The following TRPM3 variants were observed in gnomAD, a reference collection of about 807,000 sequenced individuals.
The protein encoded by TRPM3 is long transient receptor potential channel 3.
Under a neutral mutation model 181.2 loss-of-function variants are expected in TRPM3, and 77 were observed. That is an observed-to-expected ratio of 0.42 (90% CI 0.35 to 0.51). TRPM3 has a LOEUF of 0.51. Ranked by LOEUF, TRPM3 falls within the 20% of genes least tolerant of loss-of-function variation. The probability of loss-of-function intolerance (pLI) is 0.01; values close to 1 mark genes in which losing one functional copy is unlikely to be tolerated. For synonymous variants in TRPM3, 745 were observed against 796.4 expected (o/e 0.94, Z 1.09); for missense variants, 1,759 against 2,196.7 (o/e 0.80, Z 3.98).
At chr9:70,694,541 C>G (rs1253855504) in intron 8 of TRPM3, among the ~76,000 whole-genome samples, 1 of 152,126 alleles carries the variant, frequency 6.6e-6, no homozygotes. Flanking sequence ...AGCACAGTGG[C>G]GCGATCTCGG....
At chr9:71,398,972 T>C (rs933754700) in intron 1 of TRPM3, among the ~76,000 whole-genome samples, 2 of 152,188 alleles carry the variant, frequency 1.3e-5, no homozygotes, top group African/African-American at 4.8e-5. Flanking sequence ...AAATTGATAC[T>C]ATTAATCAGT....
chr9:70,539,467 C>T (rs1160978907), intron 25 of TRPM3, among the ~76,000 whole-genome samples: 1 of 148,398 alleles, frequency 6.7e-6, no homozygotes, highest in East Asian at 2.0e-4. Flanking sequence ...AAGAGCCCTG[C>T]TTGTAATTTT....
rs142903671 is a variant in TRPM3, at chr9:71,072,449, C to G, written c.177+48729G>C. 2.0e-3 allele frequency among the ~76,000 whole-genome samples: 302 copies of G among 152,228 alleles called. 2 individuals carry two copies. The highest frequency in any genetic ancestry group is 7.0e-3 in the African/African-American group (289 of 41,544). On this transcript the variant is annotated intron_variant, in intron 1 of 25. Transcript: ENST00000677713. ...TGTGCCAGATCTCCCATTTAAATCA[C>G]CTAGTAAATACAATATTAACTCACT...
Position 70,531,501 on chromosome 9 carries a change from G to T in TRPM3, c.*4452C>A, listed in dbSNP as rs966386498. ...ATGCATTTTGTTGACACAAAATTAAGACCAGGTTTGGAGAGAGATTACTTC... is the reference window on the plus strand; with the variant it reads ...ATGCATTTTGTTGACACAAAATTAATACCAGGTTTGGAGAGAGATTACTTC... On this transcript the variant is annotated 3_prime_UTR_variant, in exon 26 of 26. Coordinates refer to ENST00000677713, the MANE Select transcript of TRPM3 (RefSeq NM_001366145.2). 3 of 152,140 alleles carry T rather than the reference G, an allele frequency of 2.0e-5. No homozygotes were observed. Among genetic ancestry groups the T allele is most frequent in the Non-Finnish European group, 2.9e-5 (2 of 68,034 alleles). 9.4% of individuals were successfully genotyped at this position (152,140 alleles called of 1,614,324 possible).
intron 1 of TRPM3, among the ~76,000 whole-genome samples, chr9:71,271,583 G>A (rs900631818): frequency 6.6e-6 from 1 of 151,868 alleles, no homozygotes; most frequent in Admixed American, 6.6e-5. Context: ...CAGCAGAAGA[G>A]GGGAGTAAGG....
At chr9:70,883,079 G>A (rs941078897) in intron 1 of TRPM3, among the ~76,000 whole-genome samples, 1 of 152,108 alleles carries the variant, frequency 6.6e-6, no homozygotes, top group South Asian at 2.1e-4. Flanking sequence ...CAAAATCCAA[G>A]AGCTATAGGG....
rs34322547 is a variant in TRPM3, at chr9:70,811,660, C to T, written c.973+16187G>A. Among the ~76,000 whole-genome samples, 49 of 151,942 alleles carry T rather than the reference C, an allele frequency of 3.2e-4. No homozygotes were observed. The East Asian group carries it at 5.6e-3, about 17-fold the overall frequency. ...TTCCAATTCTGTGTTTTCCAGGAGA[C>T]GATAGGAATTGAATTCTTTCCTTCC... On this transcript the variant is annotated intron_variant, in intron 6 of 25. Coordinates refer to ENST00000677713, the MANE Select transcript of TRPM3 (RefSeq NM_001366145.2).
chr9:71,440,787 A>C (rs780613384), intron 1 of TRPM3, among the ~76,000 whole-genome samples: 1 of 152,192 alleles, frequency 6.6e-6, no homozygotes, highest in Non-Finnish European at 1.5e-5. Context: ...TAATCCTTTC[A>C]TTTTTGCTTT....
At chr9:71,178,689 G>C (rs2077236741) in intron 1 of TRPM3, among the ~76,000 whole-genome samples, 1 of 152,124 alleles carries the variant, frequency 6.6e-6, no homozygotes, top group African/African-American at 2.4e-5. Flanking sequence ...GGAAAATTCT[G>C]AGAAGATGAA....
chr9:71,235,505 G>T (rs1361629156), intron 1 of TRPM3, among the ~76,000 whole-genome samples: 1 of 152,182 alleles, frequency 6.6e-6, no homozygotes, highest in Admixed American at 6.5e-5. Flanking sequence ...ATGAACAAAT[G>T]ACTATATCAA....
At chr9:71,383,011 G>T (rs113022342) in intron 1 of TRPM3, among the ~76,000 whole-genome samples, 1 of 152,094 alleles carries the variant, frequency 6.6e-6, no homozygotes, top group East Asian at 1.9e-4. Flanking sequence ...TGCTCTAGGC[G>T]GATGCTGGAT....
At chr9:70,963,550 A>T (rs1337021) in intron 1 of TRPM3, among the ~76,000 whole-genome samples, 110,288 of 151,984 alleles carry the variant, frequency 0.73, 40,278 homozygotes, top group Middle Eastern at 0.76. Context: ...GGGTGGTGGC[A>T]ACACAGACTT....
At chr9:71,125,829 A>G (rs1198683569), upstream of TRPM3, among the ~76,000 whole-genome samples, 3 of 152,206 alleles carry the variant, frequency 2.0e-5, no homozygotes, top group Non-Finnish European at 2.9e-5. Flanking sequence ...TTCATGACGA[A>G]CATGTCAAAA....
intron 1 of TRPM3, among the ~76,000 whole-genome samples, chr9:71,147,525 C>T (rs550123594): frequency 1.3e-3 from 193 of 151,828 alleles, no homozygotes; most frequent in African/African-American, 4.4e-3. Flanking sequence ...AACTGCTCTT[C>T]CTTATAAGGG....
chr9:71,052,923 TA>T (rs1367203911), intron 1 of TRPM3, among the ~76,000 whole-genome samples: 1 of 152,048 alleles, frequency 6.6e-6, no homozygotes, highest in Non-Finnish European at 1.5e-5. Context: ...CACTGGAAGC[TA>T]TATTTTTATG....
At position 70,862,903 on chromosome 9, in the gene TRPM3, A is replaced by C; in HGVS notation, c.462+5T>G. On this transcript the variant is annotated splice_donor_5th_base_variant and intron_variant, in intron 3 of 25. Transcript: ENST00000677713. Reference sequence around the variant, plus strand: ...TTGGGAGCAACTGAATGGCTTTCTGATTACCATGGCTTTGTTGGAATGGCC... The same window carrying C: ...TTGGGAGCAACTGAATGGCTTTCTGCTTACCATGGCTTTGTTGGAATGGCC... The C allele has an allele frequency of 6.2e-7, 1 of 1,613,076 alleles. No homozygotes were observed. The highest frequency in any genetic ancestry group is 1.1e-5 in the South Asian group (1 of 91,028).
At chr9:70,832,148 G>T (rs1370169694) in intron 5 of TRPM3, among the ~76,000 whole-genome samples, 1 of 117,564 alleles carries the variant, frequency 8.5e-6, no homozygotes, top group Non-Finnish European at 1.7e-5. Context: ...GTTGTGGGGT[G>T]GGGGGAGGGG....
At chr9:70,759,239 T>G (rs1266603611) in intron 8 of TRPM3, among the ~76,000 whole-genome samples, 1 of 152,166 alleles carries the variant, frequency 6.6e-6, no homozygotes, top group African/African-American at 2.4e-5. Flanking sequence ...AAAAAGCTCA[T>G]CATCACTGGT....
chr9:71,003,753 G>A (rs1052776641), intron 1 of TRPM3, among the ~76,000 whole-genome samples: 2 of 151,094 alleles, frequency 1.3e-5, no homozygotes, highest in Admixed American at 6.6e-5. Flanking sequence ...AGAGCCCCCC[G>A]AAATCACTCC....
Sources: gnomAD v4.1 joint callset for allele counts (sites outside exome capture counted in the v4.1 genomes callset) on GRCh38, gnomAD v4.1.1 for gene constraint, MANE v1.5 for transcripts, NCBI Gene and HGNC (gene_info 2026-07-23, HGNC 2026-07-21) for gene names.